CFAP46: variants seen among roughly 807,000 people sequenced by gnomAD.
CFAP46 encodes the protein cilia- and flagella-associated protein 46.
CFAP46 carries 245 observed loss-of-function variants against 325.7 expected under a neutral mutation model. The ratio of observed to expected loss-of-function variants is 0.75; its 90% CI spans 0.68 to 0.84. The LOEUF (loss-of-function observed/expected upper bound fraction) is 0.84. Among genes scored for constraint, CFAP46 ranks in the 40% least tolerant of loss-of-function variants. CFAP46 has a pLI of 0.00. For synonymous variants in CFAP46, 1,523 were observed against 1,495.9 expected, an observed-to-expected ratio of 1.02 and a Z score of -0.42; for missense variants, 3,346 against 3,543.0, an observed-to-expected ratio of 0.94 and a Z score of 1.41.
intron 10 of CFAP46, 55 bp from the exon 11 acceptor site, chr10:132,924,941 T>A (rs1591094658): frequency 2.2e-6 from 3 of 1,343,172 alleles, no homozygotes; most frequent in Non-Finnish European, 2.9e-6. Context: ...GCTGCGGGGC[T>A]GGGGCGGCAC....
intron 17 of CFAP46, among the ~76,000 whole-genome samples, chr10:132,915,045 G>C (rs114689107): frequency 6.6e-6 from 1 of 152,262 alleles, no homozygotes; most frequent in South Asian, 2.1e-4. Context: ...CGTCCCGCTA[G>C]ACCAGGCTGG....
intron 44 of CFAP46, among the ~76,000 whole-genome samples, chr10:132,843,884 T>C (rs1591047826): frequency 2.5e-5 from 3 of 119,928 alleles, no homozygotes; most frequent in South Asian, 3.1e-4. Context: ...TCTCGGTGGG[T>C]GTTCTCAGGG....
At chr10:132,821,925 T>G (rs867607307) in intron 50 of CFAP46, among the ~76,000 whole-genome samples, 2 of 140,290 alleles carry the variant, frequency 1.4e-5, no homozygotes, top group African/African-American at 5.5e-5. Flanking sequence ...GTGCTGTGTG[T>G]GCGCTGATGT....
chr10:132,834,663 G>A lies in CFAP46; in HGVS notation c.6857C>T (p.Ser2286Phe). The A allele has an allele frequency of 3.1e-6, 5 of 1,613,380 alleles. No individual in the cohort carries two copies. Among genetic ancestry groups the A allele is most frequent in the Middle Eastern group, 1.7e-4 (1 of 6,040 alleles). Residue 2286 changes from serine (S) to phenylalanine (F), a missense_variant, in exon 48 of 58, where the codon TCC becomes TTC. Physicochemically the swap from Ser to Phe is radical, Grantham distance 155. Transcript: ENST00000368586. ...ACGTCATCCCCAGTACCTGGCCTTG[G>A]AGAGGCTGAGCAGGGGGAATAGCGG... Reference protein sequence around the residue: ...LQPLFPLLSLSKARVQTPAVV... With the variant: ...LQPLFPLLSLFKARVQTPAVV...
chr10:132,881,343 G>A (rs548343292), intron 27 of CFAP46, among the ~76,000 whole-genome samples: 17 of 152,218 alleles, frequency 1.1e-4, no homozygotes, highest in African/African-American at 3.4e-4. Context: ...TCCCTGCACC[G>A]CAAGAGGACA....
chr10:132,820,787 T>C (rs926354556), intron 50 of CFAP46, among the ~76,000 whole-genome samples: 1 of 140,032 alleles, frequency 7.1e-6, no homozygotes, highest in Admixed American at 7.1e-5. Context: ...TGATGCGTGC[T>C]GTGTGAGCAC....
rs1469933978 is a variant in CFAP46 at position 132,828,930 on chromosome 10, A to G, written c.7117+4428T>C. 6.6e-6 allele frequency among the ~76,000 whole-genome samples: 1 copy of G among 152,158 alleles called. No homozygotes were observed. The highest frequency in any genetic ancestry group is 2.4e-5 in the African/African-American group (1 of 41,418). On this transcript the variant is annotated intron_variant, in intron 50 of 57. Transcript: ENST00000368586. The surrounding 1 kb of genome is among the most constrained non-coding windows in gnomAD (Gnocchi z 4.9). Reference sequence around the variant, plus strand: ...GTTCCCCGCCCCATCCCCTGGGTCTACACGGCTACCGTCACGCCTGCGCTC... The same window carrying G: ...GTTCCCCGCCCCATCCCCTGGGTCTGCACGGCTACCGTCACGCCTGCGCTC...
rs1171324017 is a variant in CFAP46, at chr10:132,869,092, C to T, written c.4610+182G>A. On this transcript the variant is annotated intron_variant, in intron 33 of 57. Transcript: ENST00000368586. This position sits in a 1 kb window ranked among gnomAD's most constrained non-coding sequence, Gnocchi z 6.2. ...CCCTCCCTCCCTCTGTGAGGAGCAC[C>T]TCCCCACAACCCACCTCCAGCACGA... 2.0e-5 allele frequency among the ~76,000 whole-genome samples: 3 copies of T among 152,240 alleles called. No individual in the cohort carries two copies. Among genetic ancestry groups the T allele is most frequent in the African/African-American group, 7.2e-5 (3 of 41,464 alleles).
In CFAP46 at chr10:132,814,835, C is replaced by A. The variant is rs776610202; in HGVS notation, c.7188+9G>T. On this transcript the variant is annotated intron_variant, in intron 51 of 57. Transcript: ENST00000368586. ...CCAGCCCGATCCCCTATCACAGGCC[C>A]CCACCCACCTTCCTGCCCTTCTTCG... 2 of 1,614,194 alleles carry A rather than the reference C, an allele frequency of 1.2e-6. No homozygotes were observed. Among genetic ancestry groups the A allele is most frequent in the Non-Finnish European group, 8.5e-7 (1 of 1,180,016 alleles).
chr10:132,908,612 C>T lies in CFAP46; in HGVS notation c.2780G>A (p.Cys927Tyr). 1 of 1,539,880 alleles carries T rather than the reference C, an allele frequency of 6.5e-7. No individual in the cohort carries two copies. The highest frequency in any genetic ancestry group is 8.8e-7 in the Non-Finnish European group (1 of 1,140,856). ...CTCCACCAGGGGGTCCGACCAGTTG[C>T]ACTCGGAAGCCATTTTCACCAACTT... The part of the protein sequence containing the change: ...LAQLVKMASE[C>Y]NWSDPLVELQ... The change falls in exon 22 of 58, where the codon TGC becomes TAC. Residue 927 changes from cysteine to tyrosine, a missense_variant. Physicochemically the swap from Cys to Tyr is radical, Grantham distance 194. Transcript: ENST00000368586.
intron 39 of CFAP46, among the ~76,000 whole-genome samples, chr10:132,857,138 T>C (rs537094182): frequency 6.6e-6 from 1 of 152,310 alleles, no homozygotes; most frequent in Non-Finnish European, 1.5e-5. Context: ...TTCCCCAGCA[T>C]GGGGTAGCTT....
At chr10:132,932,582 T>C (rs373384774) in intron 8 of CFAP46, among the ~76,000 whole-genome samples, 4 of 118,658 alleles carry the variant, frequency 3.4e-5, no homozygotes, top group South Asian at 5.7e-4. Context: ...CCTCCCCACA[T>C]AGATCCTGCA....
intron 22 of CFAP46, among the ~76,000 whole-genome samples, chr10:132,900,652 G>T (rs1366676600): frequency 6.6e-6 from 1 of 152,260 alleles, no homozygotes; most frequent in African/African-American, 2.4e-5. Flanking sequence ...GTGGTCTGAA[G>T]CTGAAACCAC....
chr10:132,838,455 G>T (rs1400429486), intron 44 of CFAP46, among the ~76,000 whole-genome samples: 7 of 152,404 alleles, frequency 4.6e-5, no homozygotes, highest in South Asian at 4.1e-4. Context: ...ATGGGACATT[G>T]CCGGCCACTG....
At chr10:132,938,194 T>C (rs1390047413) in intron 5 of CFAP46, among the ~76,000 whole-genome samples, 1 of 152,204 alleles carries the variant, frequency 6.6e-6, no homozygotes, top group Non-Finnish European at 1.5e-5. Context: ...TGCCCCAACT[T>C]CCTCGCAGGG....
At chr10:132,902,568 T>G (rs1164505438) in intron 22 of CFAP46, among the ~76,000 whole-genome samples, 1 of 152,258 alleles carries the variant, frequency 6.6e-6, no homozygotes, top group East Asian at 1.9e-4. Flanking sequence ...ATATTGACAG[T>G]AGCTGTTTTC....
chr10:132,865,534 G>A (rs1448451230), intron 35 of CFAP46, among the ~76,000 whole-genome samples: 1 of 152,204 alleles, frequency 6.6e-6, no homozygotes, highest in Non-Finnish European at 1.5e-5. Context: ...AAACGTCCCG[G>A]GGCTTTCGCT....
rs1295067724 is a variant in CFAP46 at position 132,876,128 on chromosome 10, G to T, written c.4362+684C>A. On this transcript the variant is annotated intron_variant, in intron 31 of 57. Coordinates refer to ENST00000368586, the MANE Select transcript of CFAP46 (RefSeq NM_001200049.3). The surrounding 1 kb of genome is among the most constrained non-coding windows in gnomAD (Gnocchi z 4.1). Reference sequence around the variant, plus strand: ...AAGGCCAACCTCACTGTGGCCAGGGGTGTCCCATTAAACCAAGGGGAATGC... The same window carrying T: ...AAGGCCAACCTCACTGTGGCCAGGGTTGTCCCATTAAACCAAGGGGAATGC... Among the ~76,000 whole-genome samples, 1 of 152,268 alleles carries T rather than the reference G, an allele frequency of 6.6e-6. No individual in the cohort carries two copies. The highest frequency in any genetic ancestry group is 1.5e-5 in the Non-Finnish European group (1 of 68,052).
In CFAP46 at chr10:132,878,055, C is replaced by T. The variant is rs1206768399; in HGVS notation, c.4038G>A (p.Leu1346=). The change falls in exon 30 of 58, where the codon CTG becomes CTA. Residue 1346 remains leucine (L), a synonymous_variant. Transcript: ENST00000368586. ...TGGTTGCTGCCAGGGGTCTGTTTTC[C>T]AGAACTGATTTTCCTGCTGTCATCA... ...VSLMTAGKSV[L]ENRPLAATSS... is the part of the protein sequence containing the mutation. 6.5e-7 allele frequency: 1 copy of T among 1,548,058 alleles called. No homozygotes were observed.
Sources: gnomAD v4.1 joint callset for allele counts (sites outside exome capture counted in the v4.1 genomes callset) on GRCh38, gnomAD v4.1.1 for gene constraint, Gnocchi (gnomAD v3.1) non-coding constraint, MANE v1.5 for transcripts, NCBI Gene and HGNC (gene_info 2026-07-23, HGNC 2026-07-21) for gene names.